MCF2L2: variants seen among roughly 807,000 people sequenced by gnomAD.
The protein encoded by MCF2L2 is probable guanine nucleotide exchange factor MCF2L2.
A neutral mutation model predicts 150.2 loss-of-function variants in MCF2L2; 102 were observed. The ratio of observed to expected loss-of-function variants is 0.68; its 90% CI spans 0.58 to 0.80. The LOEUF is 0.80. MCF2L2 is among the 30% of genes least tolerant of loss of function. The pLI is 0.00. For missense variants in MCF2L2, 1,256 were observed against 1,372.8 expected, an observed-to-expected ratio of 0.91 and a Z score of 1.34; for synonymous variants, 465 against 491.3, an observed-to-expected ratio of 0.95 and a Z score of 0.71.
At chr3:183,289,285 G>T in intron 13 of MCF2L2, 65 bp from the exon 14 acceptor site, 1 of 1,091,446 alleles carries the variant, frequency 9.2e-7, no homozygotes, top group East Asian at 2.4e-5. Context: ...CACTTTGTCT[G>T]ATTTGGACAA....
intron 3 of MCF2L2, among the ~76,000 whole-genome samples, chr3:183,358,330 AAAG>A (rs1239603322): frequency 1.3e-5 from 2 of 152,140 alleles, no homozygotes; most frequent in African/African-American, 4.8e-5. Context: ...AAGAAAAGAA[AAAG>A]AAGAGTGTGG....
chr3:183,423,420 A>G (rs1560069308), intron 1 of MCF2L2, among the ~76,000 whole-genome samples: 1 of 152,156 alleles, frequency 6.6e-6, no homozygotes, highest in Non-Finnish European at 1.5e-5. Context: ...CCGATCTCCA[A>G]TGATATAAGG....
At chr3:183,356,103 A>C (rs1711760396) in intron 3 of MCF2L2, among the ~76,000 whole-genome samples, 1 of 151,740 alleles carries the variant, frequency 6.6e-6, no homozygotes, top group Non-Finnish European at 1.5e-5. Context: ...GAAACTTCAG[A>C]CCATATGCAA....
chr3:183,196,704 C>T (rs139680189), intron 25 of MCF2L2, among the ~76,000 whole-genome samples: 20 of 152,232 alleles, frequency 1.3e-4, no homozygotes, highest in African/African-American at 4.1e-4. Flanking sequence ...AGTTCTGCTG[C>T]GGATAAGTTA....
intron 1 of MCF2L2, among the ~76,000 whole-genome samples, chr3:183,421,086 T>C (rs1019191222): frequency 6.6e-6 from 1 of 152,252 alleles, no homozygotes; most frequent in East Asian, 1.9e-4. Flanking sequence ...GAGTCATTTT[T>C]CTCTTCTTTC....
intron 27 of MCF2L2, among the ~76,000 whole-genome samples, chr3:183,183,443 G>A (rs1166115150): frequency 3.9e-5 from 6 of 152,226 alleles, no homozygotes; most frequent in Non-Finnish European, 2.9e-5. Flanking sequence ...CTCAGGATCT[G>A]GCCAGTCACA....
chr3:183,328,490 T>C (rs1346095339), intron 5 of MCF2L2, among the ~76,000 whole-genome samples: 1 of 150,456 alleles, frequency 6.6e-6, no homozygotes, highest in African/African-American at 2.5e-5. Flanking sequence ...CCCTGATTGG[T>C]GTCTAGACAG....
chr3:183,338,698 CCTCT>C lies in MCF2L2; in HGVS notation c.486+98_486+101del, dbSNP rs1730586897. The C allele has an allele frequency of 9.8e-6, 12 of 1,228,296 alleles. No homozygotes were observed. The East Asian group carries it at 3.2e-4, about 33-fold the overall frequency. The allele number at this position is 1,228,296 out of a possible 1,614,324, so 76.1% of individuals were successfully genotyped here. A position where few individuals can be genotyped will look rare whatever the true frequency, so the allele number is the denominator to read the frequency against. ...CCTCAGCCCAGAGAACCCTTTTCTC[CCTCT>C]CTACCTGTTGAATCTTATCTTGCCC... On this transcript the variant is annotated intron_variant, in intron 5 of 29. Transcript: ENST00000328913.
chr3:183,259,810 C>T (rs540198853), intron 15 of MCF2L2, among the ~76,000 whole-genome samples: 8 of 152,242 alleles, frequency 5.3e-5, no homozygotes, highest in African/African-American at 1.9e-4. Flanking sequence ...GATGAGGTCA[C>T]TTCTGCCCAC....
intron 4 of MCF2L2, among the ~76,000 whole-genome samples, chr3:183,340,809 GGT>G (rs1560029932): frequency 6.6e-6 from 1 of 152,102 alleles, no homozygotes; most frequent in African/African-American, 2.4e-5. Flanking sequence ...CAAGCGTGGT[GGT>G]GCACGCCTGC....
At chr3:183,325,783 A>G (rs1012965958) in intron 5 of MCF2L2, among the ~76,000 whole-genome samples, 3 of 152,228 alleles carry the variant, frequency 2.0e-5, no homozygotes, top group Admixed American at 2.0e-4. Context: ...ACACTTGCCA[A>G]AACTCTGCTT....
At chr3:183,310,479 G>C (rs1729316301) in intron 9 of MCF2L2, 3 of 237,478 alleles carry the variant, frequency 1.3e-5, no homozygotes, top group East Asian at 3.0e-4. Context: ...TCCAGCCTGG[G>C]CAACAGAGTG....
rs2108515944 is a variant in MCF2L2 at position 183,318,107 on chromosome 3, G to T, written c.714C>A (p.Asp238Glu). ...ELPRSMLSTE[D>E]LLMSHTRQRD... ...GCTGCCTTGTGTGGGACATGAGAAG[G>T]TCTTCCGTGGATAGCATGCTTCTGG... The change falls in exon 7 of 30, where the codon GAC becomes GAA. Residue 238 changes from aspartate (D) to glutamate (E), a missense_variant. By Grantham distance (45) the Asp-to-Glu change is conservative (BLOSUM62 2). Transcript: ENST00000328913. The T allele has an allele frequency of 1.2e-6, 2 of 1,614,184 alleles. No homozygotes were observed. The highest frequency in any genetic ancestry group is 4.5e-5 in the East Asian group (2 of 44,878).
chr3:183,339,457 T>C (rs1730616314), intron 4 of MCF2L2, among the ~76,000 whole-genome samples: 1 of 152,220 alleles, frequency 6.6e-6, no homozygotes, highest in Non-Finnish European at 1.5e-5. Flanking sequence ...TTGTTAATCA[T>C]TTAGGCTTTT....
chr3:183,397,388 G>A (rs1714525504), intron 1 of MCF2L2, among the ~76,000 whole-genome samples: 1 of 152,200 alleles, frequency 6.6e-6, no homozygotes, highest in Non-Finnish European at 1.5e-5. Flanking sequence ...TCACGTGGCA[G>A]GAGAGATGGA....
intron 13 of MCF2L2, among the ~76,000 whole-genome samples, chr3:183,293,344 C>A (rs1396010108): frequency 6.6e-6 from 1 of 152,186 alleles, no homozygotes; most frequent in East Asian, 1.9e-4. Flanking sequence ...GACAGAGGTC[C>A]ACAATACACG....
At position 183,338,679 on chromosome 3, in the gene MCF2L2, C is replaced by T. The variant is rs1730585353; in HGVS notation, c.486+121G>A. 3 of 1,009,156 alleles carry T rather than the reference C, an allele frequency of 3.0e-6. No individual in the cohort carries two copies. In the Admixed American group the frequency reaches 9.0e-5, roughly 30 times the overall value. The allele number at this position is 1,009,156 out of a possible 1,614,324, so 62.5% of individuals were successfully genotyped here. A position where few individuals can be genotyped will look rare whatever the true frequency, so the allele number is the denominator to read the frequency against. Reference sequence around the variant, plus strand: ...GCCTTCACACATGCGGTTCCCTCAGCCCAGAGAACCCTTTTCTCCCTCTCT... The same window carrying T: ...GCCTTCACACATGCGGTTCCCTCAGTCCAGAGAACCCTTTTCTCCCTCTCT... On this transcript the variant is annotated intron_variant, in intron 5 of 29. Coordinates refer to ENST00000328913, the MANE Select transcript of MCF2L2 (RefSeq NM_015078.4).
At chr3:183,318,363 G>C in intron 6 of MCF2L2, 146 bp from the exon 7 acceptor site, 2 of 909,294 alleles carry the variant, frequency 2.2e-6, no homozygotes, top group Non-Finnish European at 3.4e-6. Context: ...ATTCTGATAG[G>C]GAGATTAAAA....
At chr3:183,255,363 A>G (rs773955653) in intron 15 of MCF2L2, among the ~76,000 whole-genome samples, 1 of 152,230 alleles carries the variant, frequency 6.6e-6, no homozygotes, top group Non-Finnish European at 1.5e-5. Flanking sequence ...AGGAGGTGAA[A>G]GCTGCTTTTT....
Sources: gnomAD v4.1 joint callset for allele counts (sites outside exome capture counted in the v4.1 genomes callset) on GRCh38, gnomAD v4.1.1 for gene constraint, MANE v1.5 for transcripts, NCBI Gene and HGNC (gene_info 2026-07-23, HGNC 2026-07-21) for gene names.